The following RASGRF2 variants were observed in gnomAD, a reference collection of about 807,000 sequenced individuals.
RASGRF2 encodes the protein ras-specific guanine nucleotide-releasing factor 2.
In RASGRF2, 76 loss-of-function variants were observed where a neutral mutation model predicts 151.0. The ratio of observed to expected loss-of-function variants is 0.50; its 90% CI spans 0.42 to 0.61. RASGRF2 has a LOEUF of 0.61. Ranked by LOEUF, RASGRF2 falls within the 20% of genes least tolerant of loss-of-function variation. RASGRF2 has a pLI of 0.00. For synonymous variants in RASGRF2, 504 were observed against 566.5 expected (o/e 0.89, Z 1.57); for missense variants, 1,148 against 1,564.6 (o/e 0.73, Z 4.49).
chr5:81,190,004 G>A (rs1008343191), intron 18 of RASGRF2, among the ~76,000 whole-genome samples: 11 of 152,102 alleles, frequency 7.2e-5, no homozygotes, highest in South Asian at 2.1e-4. Flanking sequence ...GAGCCACTAC[G>A]CCCGACACAC....
At chr5:81,028,077 T>A (rs1750098529) in intron 1 of RASGRF2, among the ~76,000 whole-genome samples, 1 of 152,124 alleles carries the variant, frequency 6.6e-6, no homozygotes, top group Admixed American at 6.5e-5. Flanking sequence ...AAGAGCTGGT[T>A]CTGGTCTGGG....
At chr5:80,970,514 T>C (rs1202304278) in intron 1 of RASGRF2, among the ~76,000 whole-genome samples, 1 of 151,872 alleles carries the variant, frequency 6.6e-6, no homozygotes, top group Non-Finnish European at 1.5e-5. Flanking sequence ...TTATCCCCGT[T>C]TGCCTTCTCA....
At chr5:81,080,945 C>G (rs1237616403) in intron 7 of RASGRF2, among the ~76,000 whole-genome samples, 156 bp downstream of exon 7, 1 of 152,108 alleles carries the variant, frequency 6.6e-6, no homozygotes, top group Non-Finnish European at 1.5e-5. Flanking sequence ...CTGAGATAAA[C>G]AAATATTGTG....
chr5:80,982,891 C>T (rs79363758), intron 1 of RASGRF2, among the ~76,000 whole-genome samples: 8,803 of 152,074 alleles, frequency 0.058, 389 homozygotes, highest in South Asian at 0.2. Context: ...TGAGCCACCG[C>T]GCCCAGCCAG....
At chr5:81,174,800 A>G (rs774924899) in intron 17 of RASGRF2, among the ~76,000 whole-genome samples, 2 of 152,256 alleles carry the variant, frequency 1.3e-5, no homozygotes, top group Non-Finnish European at 2.9e-5. Flanking sequence ...CCATTAGACA[A>G]GTAAAGGTTT....
intron 7 of RASGRF2, among the ~76,000 whole-genome samples, chr5:81,083,870 T>C (rs939426208): frequency 5.3e-5 from 8 of 152,218 alleles, no homozygotes; most frequent in African/African-American, 1.9e-4. Flanking sequence ...TTAATGTCTA[T>C]AAAGTGACAA....
intron 2 of RASGRF2, among the ~76,000 whole-genome samples, chr5:81,055,922 G>T (rs1161022585): frequency 6.6e-6 from 1 of 152,138 alleles, no homozygotes; most frequent in Non-Finnish European, 1.5e-5. Flanking sequence ...TTTCGTAGAG[G>T]TGTTTATAGT....
chr5:81,207,440 G>C, intron 21 of RASGRF2, 91 bp downstream of exon 21: 1 of 1,055,510 alleles, frequency 9.5e-7, no homozygotes, highest in Non-Finnish European at 1.4e-6. Flanking sequence ...GTGTATGTCT[G>C]TCCCCTCAGT....
chr5:81,143,660 G>A (rs936850760), intron 17 of RASGRF2, among the ~76,000 whole-genome samples: 1 of 151,922 alleles, frequency 6.6e-6, no homozygotes, highest in African/African-American at 2.4e-5. Context: ...GGGAGGCCGA[G>A]GCGGGCGGAT....
intron 1 of RASGRF2, among the ~76,000 whole-genome samples, chr5:81,038,370 G>T (rs1170624232): frequency 6.6e-6 from 1 of 151,778 alleles, no homozygotes; most frequent in Non-Finnish European, 1.5e-5. Flanking sequence ...AGTATTGTCA[G>T]GTGTTTTAAT....
intron 12 of RASGRF2, among the ~76,000 whole-genome samples, chr5:81,102,449 CT>C (rs1442920073): frequency 6.6e-6 from 1 of 152,182 alleles, no homozygotes; most frequent in Non-Finnish European, 1.5e-5. Flanking sequence ...AATCCCAGCA[CT>C]TTGGGAGGCC....
intron 1 of RASGRF2, among the ~76,000 whole-genome samples, chr5:80,965,696 A>G: frequency 6.6e-6 from 1 of 152,216 alleles, no homozygotes; most frequent in Non-Finnish European, 1.5e-5. Context: ...TCTTTTGACA[A>G]TTAAAAAATA....
chr5:81,036,945 T>C (rs377749355), intron 1 of RASGRF2, among the ~76,000 whole-genome samples: 1 of 152,218 alleles, frequency 6.6e-6, no homozygotes, highest in African/African-American at 2.4e-5. Context: ...CTGGGTAATT[T>C]ACAAAGAAAG....
intron 17 of RASGRF2, among the ~76,000 whole-genome samples, chr5:81,164,006 A>G (rs1456627111): frequency 6.6e-6 from 1 of 152,218 alleles, no homozygotes; most frequent in Non-Finnish European, 1.5e-5. Flanking sequence ...TTAGCATTGT[A>G]TTGTTACTAT....
At chr5:81,109,302 A>G (rs1262598404) in intron 13 of RASGRF2, among the ~76,000 whole-genome samples, 1 of 152,194 alleles carries the variant, frequency 6.6e-6, no homozygotes, top group African/African-American at 2.4e-5. Context: ...ATTGTTTTTT[A>G]TACTGTTACA....
intron 1 of RASGRF2, among the ~76,000 whole-genome samples, 156 bp from the exon 2 acceptor site, chr5:81,042,721 A>G (rs1471911359): frequency 2.0e-5 from 3 of 152,224 alleles, no homozygotes; most frequent in Non-Finnish European, 2.9e-5. Context: ...GTCATTGCCA[A>G]CTGGACCCAG....
intron 14 of RASGRF2, 28 bp from the exon 15 acceptor site, chr5:81,113,510 T>C: frequency 6.4e-7 from 1 of 1,573,372 alleles, no homozygotes. Flanking sequence ...GGCTACAATC[T>C]CTTAGCCACT....
chr5:80,994,671 C>G (rs776983820), intron 1 of RASGRF2, among the ~76,000 whole-genome samples: 1 of 152,142 alleles, frequency 6.6e-6, no homozygotes, highest in Non-Finnish European at 1.5e-5. Context: ...TGTGAAGAAC[C>G]CCCTCTGAGC....
At chr5:80,990,877 C>T (rs1233782201) in intron 1 of RASGRF2, among the ~76,000 whole-genome samples, 1 of 152,128 alleles carries the variant, frequency 6.6e-6, no homozygotes, top group Admixed American at 6.5e-5. Context: ...CTGCATAGCT[C>T]AGGTTAGTGA....
Sources: allele counts gnomAD v4.1 joint callset (sites outside exome capture counted in the v4.1 genomes callset), GRCh38; gene constraint gnomAD v4.1.1; transcripts MANE v1.5; gene names NCBI Gene and HGNC (gene_info 2026-07-23, HGNC 2026-07-21).